Variants in ITGA1 observed in about 807,000 individuals in gnomAD.
ITGA1 encodes the protein integrin alpha-1.
In ITGA1, 85 loss-of-function variants were observed where a neutral mutation model predicts 145.9. The observed-to-expected ratio is 0.58, with a 90% CI of 0.49 to 0.70. The LOEUF is 0.70. ITGA1 is among the 30% of genes least tolerant of loss of function. ITGA1 has a pLI of 0.00. For missense variants in ITGA1, 1,351 were observed against 1,418.7 expected (o/e 0.95, Z 0.77); for synonymous variants, 520 against 495.3 (o/e 1.05, Z -0.66).
intron 2 of ITGA1, among the ~76,000 whole-genome samples, chr5:52,850,002 A>AT (rs373306832): frequency 0.22 from 30,820 of 140,332 alleles, 4,169 homozygotes; most frequent in African/African-American, 0.39. Context: ...TGTAGATAGG[A>AT]TTTTTTTTTT....
chr5:52,811,676 CA>C (rs1255317096), intron 1 of ITGA1, among the ~76,000 whole-genome samples: 6 of 152,142 alleles, frequency 3.9e-5, no homozygotes, highest in Non-Finnish European at 8.8e-5. Context: ...TAAATACGTG[CA>C]TGAAAATCTT....
chr5:52,865,824 G>A lies in ITGA1; in HGVS notation c.624+7G>A, dbSNP rs1749678766. The A allele has an allele frequency of 6.4e-7, 1 of 1,560,200 alleles. No individual in the cohort carries two copies. The highest frequency in any genetic ancestry group is 1.4e-5 in the African/African-American group (1 of 71,228). On this transcript the variant is annotated splice_region_variant and intron_variant, in intron 6 of 28. Transcript: ENST00000282588. ...TGGTCCTAAACAGACACAGGTATGT[G>A]ACTTTGTGTTTTGATTTCTGTTGTT...
intron 13 of ITGA1, among the ~76,000 whole-genome samples, chr5:52,909,261 G>T (rs532681226): frequency 1.3e-4 from 20 of 152,090 alleles, no homozygotes; most frequent in Non-Finnish European, 2.2e-4. Context: ...TGTGAATTAT[G>T]TTTAACAATA....
Position 52,832,779 on chromosome 5 carries a change from G to GTGTGTGTGTC in ITGA1, c.62-16577_62-16576insCTGTGTGTGT, listed in dbSNP as rs1554042261. Among the ~76,000 whole-genome samples the GTGTGTGTGTC allele has an allele frequency of 2.8e-3, 365 of 132,252 alleles. 4 individuals are homozygous for GTGTGTGTGTC. Among genetic ancestry groups the GTGTGTGTGTC allele is most frequent in the South Asian group, 0.024 (102 of 4,274 alleles). 86.8% of individuals were successfully genotyped at this position (132,252 alleles called of 152,430 possible). A position where few individuals can be genotyped will look rare whatever the true frequency, so the allele number is the denominator to read the frequency against. On this transcript the variant is annotated intron_variant, in intron 1 of 28. Transcript: ENST00000282588. The stretch of plus-strand genomic sequence containing the variant: ...AATATATAAATCTGTGTGTGTGTGT[G>GTGTGTGTGTC]TGTGTGTGTGTGTGTGTGTGTGTGT...
chr5:52,933,886 T>C lies in ITGA1; in HGVS notation c.2862-8T>C. 1 of 1,410,986 alleles carries C rather than the reference T, an allele frequency of 7.1e-7. No individual in the cohort carries two copies. The highest frequency in any genetic ancestry group is 9.5e-7 in the Non-Finnish European group (1 of 1,047,198). 87.4% of individuals were successfully genotyped at this position (1,410,986 alleles called of 1,614,324 possible). ...ATGTTTTATTTTTCTTCTAATTAAT[T>C]TTTTAAGCTCTGCAAGTGAATACCA... On this transcript the variant is annotated splice_polypyrimidine_tract_variant and splice_region_variant and intron_variant, in intron 22 of 28. Coordinates refer to ENST00000282588, the MANE Select transcript of ITGA1 (RefSeq NM_181501.2).
At chr5:52,945,241 A>G (rs917345836) in intron 27 of ITGA1, among the ~76,000 whole-genome samples, 1 of 152,224 alleles carries the variant, frequency 6.6e-6, no homozygotes, top group Non-Finnish European at 1.5e-5. Context: ...GAAAATCATG[A>G]TATTTACAAT....
chr5:52,923,894 G>A (rs1399185646), intron 18 of ITGA1, among the ~76,000 whole-genome samples: 1 of 152,170 alleles, frequency 6.6e-6, no homozygotes, highest in Non-Finnish European at 1.5e-5. Flanking sequence ...TCTTCATGGA[G>A]CCCACCTTGT....
At chr5:52,929,135 T>C (rs571268990) in intron 20 of ITGA1, among the ~76,000 whole-genome samples, 1 of 152,294 alleles carries the variant, frequency 6.6e-6, no homozygotes, top group African/African-American at 2.4e-5. Context: ...TTTCTCACAG[T>C]TCTGGAAGCT....
chr5:52,926,217 CTCTA>C (rs572041373), intron 19 of ITGA1, among the ~76,000 whole-genome samples: 281 of 152,244 alleles, frequency 1.8e-3, no homozygotes, highest in Admixed American at 3.8e-3. Flanking sequence ...GGACGTTTCT[CTCTA>C]TCTGTTAGGA....
chr5:52,932,950 T>A (rs1750913445), intron 22 of ITGA1: 1 of 151,852 alleles, frequency 6.6e-6, no homozygotes, highest in East Asian at 1.9e-4. Context: ...ATTCAGGAAG[T>A]GTTAGTTTAA....
intron 14 of ITGA1, among the ~76,000 whole-genome samples, chr5:52,914,516 A>G (rs1339473426): frequency 2.0e-5 from 3 of 151,898 alleles, no homozygotes; most frequent in Non-Finnish European, 4.4e-5. Context: ...CGCACCTGTA[A>G]TCCCAGCTAT....
chr5:52,922,687 G>A (rs1398080122), intron 17 of ITGA1, 90 bp from the exon 18 acceptor site: 1 of 824,408 alleles, frequency 1.2e-6, no homozygotes, highest in African/African-American at 1.7e-5. Context: ...CAGTAAGCCT[G>A]ACCCTTGGGA....
At position 52,952,512 on chromosome 5, in the gene ITGA1, A is replaced by T; in HGVS notation, c.*61A>T. ...ATAATCTATCCTCAGGTTTGCCTCA[A>T]ATATGTGACAAGAAATGTATAATTC... On this transcript the variant is annotated 3_prime_UTR_variant, in exon 29 of 29. Transcript: ENST00000282588. The T allele has an allele frequency of 2.8e-6, 2 of 717,868 alleles. No individual in the cohort carries two copies. Among genetic ancestry groups the T allele is most frequent in the East Asian group, 6.2e-5 (2 of 32,288 alleles). 44.5% of individuals were successfully genotyped at this position (717,868 alleles called of 1,614,324 possible).
At chr5:52,915,672 A>G (rs1750635301) in intron 15 of ITGA1, 78 bp downstream of exon 15, 2 of 1,506,000 alleles carry the variant, frequency 1.3e-6, no homozygotes, top group Non-Finnish European at 1.8e-6. Context: ...AGCTCATGTC[A>G]TACCAAATAT....
chr5:52,919,413 T>C (rs922888433), intron 16 of ITGA1, among the ~76,000 whole-genome samples: 1 of 152,128 alleles, frequency 6.6e-6, no homozygotes, highest in Non-Finnish European at 1.5e-5. Flanking sequence ...GTGTGTGTGT[T>C]CTCAGGTGCA....
At chr5:52,892,394 A>G (rs1461764051) in intron 8 of ITGA1, among the ~76,000 whole-genome samples, 1 of 144,074 alleles carries the variant, frequency 6.9e-6, no homozygotes, top group Non-Finnish European at 1.5e-5. Context: ...TCTGATGGGA[A>G]TAGTAAAATG....
In ITGA1 at chr5:52,871,167, T is replaced by C. The variant is rs571242824; in HGVS notation, c.624+5350T>C. Among the ~76,000 whole-genome samples the C allele has an allele frequency of 2.6e-5, 4 of 152,356 alleles. No homozygotes were observed. The South Asian group carries it at 6.2e-4, about 24-fold the overall frequency. Reference sequence around the variant, plus strand: ...ATTTAACTACAAATGCGCTTTGATGTTTCGCCTTGTTGGTTTTAATTTAGA... The same window carrying C: ...ATTTAACTACAAATGCGCTTTGATGCTTCGCCTTGTTGGTTTTAATTTAGA... On this transcript the variant is annotated intron_variant, in intron 6 of 28. Coordinates refer to ENST00000282588, the MANE Select transcript of ITGA1 (RefSeq NM_181501.2).
chr5:52,810,846 T>C (rs1561215332), intron 1 of ITGA1, among the ~76,000 whole-genome samples: 1 of 152,126 alleles, frequency 6.6e-6, no homozygotes, highest in Non-Finnish European at 1.5e-5. Flanking sequence ...TAGGTCAGAG[T>C]AAAATATAAT....
At position 52,863,006 on chromosome 5, in the gene ITGA1, C is replaced by A. The variant is rs184254553; in HGVS notation, c.295+1447C>A. Among the ~76,000 whole-genome samples, 59 of 152,176 alleles carry A rather than the reference C, an allele frequency of 3.9e-4. 1 individual carries two copies. The highest frequency in any genetic ancestry group is 3.6e-3 in the Admixed American group (55 of 15,286). ...CTCAACATCACTTTCCATTTATTACCTTTCCTTGAGGTTGCATCACATTTT... is the reference window on the plus strand; with the variant it reads ...CTCAACATCACTTTCCATTTATTACATTTCCTTGAGGTTGCATCACATTTT... On this transcript the variant is annotated intron_variant, in intron 3 of 28. Coordinates refer to ENST00000282588, the MANE Select transcript of ITGA1 (RefSeq NM_181501.2).
Sources: gnomAD v4.1 joint callset for allele counts (sites outside exome capture counted in the v4.1 genomes callset) on GRCh38, gnomAD v4.1.1 for gene constraint, MANE v1.5 for transcripts, NCBI Gene and HGNC (gene_info 2026-07-23, HGNC 2026-07-21) for gene names.